VTCN1: variants seen among roughly 807,000 people sequenced by gnomAD.
The protein encoded by VTCN1 is V-set domain containing T cell activation inhibitor 1.
In VTCN1, 26 loss-of-function variants were observed where a neutral mutation model predicts 26.5. The observed-to-expected ratio is 0.98, with a 90% CI of 0.72 to 1.36. The LOEUF (loss-of-function observed/expected upper bound fraction) is 1.36. VTCN1 is among the 40% of genes most tolerant of loss of function. The pLI is 0.00. For synonymous variants in VTCN1, 116 were observed against 130.7 expected, an observed-to-expected ratio of 0.89 and a Z score of 0.77; for missense variants, 298 against 337.7, an observed-to-expected ratio of 0.88 and a Z score of 0.92.
At chr1:117,205,777 T>C (rs1484023134) in intron 1 of VTCN1, among the ~76,000 whole-genome samples, 1 of 152,228 alleles carries the variant, frequency 6.6e-6, no homozygotes, top group East Asian at 1.9e-4. Context: ...CTAGGAGATA[T>C]TGAGCAAGGT....
At chr1:117,172,640 T>TCC (rs372580718) in intron 1 of VTCN1, among the ~76,000 whole-genome samples, 1 of 151,552 alleles carries the variant, frequency 6.6e-6, no homozygotes, top group East Asian at 1.9e-4. Context: ...GCTGCATGTG[T>TCC]CCCCCCCCAC....
chr1:117,205,404 C>A (rs1570997457), intron 1 of VTCN1, among the ~76,000 whole-genome samples: 1 of 152,176 alleles, frequency 6.6e-6, no homozygotes, highest in African/African-American at 2.4e-5. Context: ...CTCAAGTGAT[C>A]CGCCTGCCTC....
chr1:117,180,347 T>C (rs1391633071), intron 1 of VTCN1, among the ~76,000 whole-genome samples: 1 of 152,196 alleles, frequency 6.6e-6, no homozygotes, highest in Non-Finnish European at 1.5e-5. Context: ...GTGCACACTA[T>C]TTTTCACTGG....
chr1:117,204,594 C>T (rs12087354), intron 1 of VTCN1, among the ~76,000 whole-genome samples: 1,914 of 152,104 alleles, frequency 0.013, 46 homozygotes, highest in African/African-American at 0.043. Context: ...TGGCCAGTTG[C>T]GGTGGCTCAC....
In VTCN1 at chr1:117,161,024, C is replaced by T. The variant is rs989301746; in HGVS notation, c.98-4103G>A. On this transcript the variant is annotated intron_variant, in intron 2 of 5. Transcript: ENST00000369458. This position sits in a 1 kb window ranked among gnomAD's most constrained non-coding sequence, Gnocchi z 4.3. ...GAAGGATGTTTTGGAGGCTTGAGAG[C>T]GTGAGAAAAGACACTTTGGAAGCAG... Among the ~76,000 whole-genome samples, 6 of 152,144 alleles carry T rather than the reference C, an allele frequency of 3.9e-5. No individual in the cohort carries two copies. The highest frequency in any genetic ancestry group is 1.2e-4 in the African/African-American group (5 of 41,440).
intron 1 of VTCN1, among the ~76,000 whole-genome samples, chr1:117,171,661 G>A (rs1652924109): frequency 6.6e-6 from 1 of 152,144 alleles, no homozygotes; most frequent in African/African-American, 2.4e-5. Flanking sequence ...GAATTATATG[G>A]CAGACATGTT....
rs2358820 is a variant in VTCN1, at chr1:117,169,289, G to A, written c.97+818C>T. ...TCTGCAACTGACATTGGCTAGATAC[G>A]TTCAGAAACTAACCATCTGTGCTAC... On this transcript the variant is annotated intron_variant, in intron 2 of 5. Coordinates refer to ENST00000369458, the MANE Select transcript of VTCN1 (RefSeq NM_024626.4). The surrounding 1 kb of genome is among the most constrained non-coding windows in gnomAD (Gnocchi z 4.0). Among the ~76,000 whole-genome samples the A allele has an allele frequency of 0.054, 8,245 of 152,270 alleles. 274 individuals are homozygous for A. The highest frequency in any genetic ancestry group is 0.083 in the South Asian group (399 of 4,824).
At chr1:117,184,685 T>A (rs562786157) in intron 1 of VTCN1, among the ~76,000 whole-genome samples, 1 of 152,180 alleles carries the variant, frequency 6.6e-6, no homozygotes, top group South Asian at 2.1e-4. Context: ...CTTCATGATG[T>A]GTGTATGTAG....
chr1:117,150,917 G>T (rs905409866), intron 4 of VTCN1, among the ~76,000 whole-genome samples: 2 of 152,164 alleles, frequency 1.3e-5, no homozygotes, highest in African/African-American at 4.8e-5. Flanking sequence ...TGTCCTGAAA[G>T]TTCATTCATG....
At chr1:117,209,874 T>A (rs1177907702) in intron 1 of VTCN1, among the ~76,000 whole-genome samples, 1 of 152,250 alleles carries the variant, frequency 6.6e-6, no homozygotes, top group Non-Finnish European at 1.5e-5. Context: ...AACATTACTC[T>A]CGTAGTCTCT....
rs1246429315 is a variant in VTCN1 at position 117,183,959 on chromosome 1, G to A, written c.33-13788C>T. On this transcript the variant is annotated intron_variant, in intron 1 of 5. Coordinates refer to ENST00000369458, the MANE Select transcript of VTCN1 (RefSeq NM_024626.4). The surrounding 1 kb of genome is among the most constrained non-coding windows in gnomAD (Gnocchi z 4.1). ...TGCATTCCAGGGACCAAAAGCTTCT[G>A]TCTTCAGAGCCATACCAAACACCAG... is the stretch of plus-strand genomic sequence containing the variant. Among the ~76,000 whole-genome samples the A allele has an allele frequency of 6.6e-6, 1 of 152,058 alleles. No homozygotes were observed. The highest frequency in any genetic ancestry group is 1.5e-5 in the Non-Finnish European group (1 of 68,030).
At chr1:117,199,251 C>G (rs1311514339) in intron 1 of VTCN1, among the ~76,000 whole-genome samples, 2 of 152,036 alleles carry the variant, frequency 1.3e-5, no homozygotes, top group East Asian at 3.9e-4. Context: ...TTTTGAAATC[C>G]TTTAATATGC....
chr1:117,183,145 C>T lies in VTCN1; in HGVS notation c.33-12974G>A, dbSNP rs1363108984. ...TTTTATATAAACCTGTGACTACTTT[C>T]TCCCATCTCCCGTCACCTCCACACT... On this transcript the variant is annotated intron_variant, in intron 1 of 5. Transcript: ENST00000369458. The surrounding 1 kb of genome is among the most constrained non-coding windows in gnomAD (Gnocchi z 4.1). Among the ~76,000 whole-genome samples the T allele has an allele frequency of 6.6e-6, 1 of 152,152 alleles. No homozygotes were observed. Among genetic ancestry groups the T allele is most frequent in the Non-Finnish European group, 1.5e-5 (1 of 68,028 alleles).
At chr1:117,205,155 TATAG>T (rs1209135812) in intron 1 of VTCN1, among the ~76,000 whole-genome samples, 2 of 107,916 alleles carry the variant, frequency 1.9e-5, no homozygotes, top group African/African-American at 5.6e-5. Context: ...TATATATATA[TATAG>T]AGAGAGAGAG....
At chr1:117,162,451 T>A (rs1043359102) in intron 2 of VTCN1, among the ~76,000 whole-genome samples, 1 of 152,144 alleles carries the variant, frequency 6.6e-6, no homozygotes, top group African/African-American at 2.4e-5. Flanking sequence ...TTCTTTTTTT[T>A]TTATTTTTTG....
At chr1:117,153,446 CT>C in intron 3 of VTCN1, 77 bp from the exon 4 acceptor site, 3 of 1,440,586 alleles carry the variant, frequency 2.1e-6, no homozygotes, top group Non-Finnish European at 1.9e-6. Flanking sequence ...AGCGCTAGGC[CT>C]TAAAAATGCA....
chr1:117,157,136 G>A, intron 2 of VTCN1: 1 of 488,706 alleles, frequency 2.0e-6, no homozygotes, highest in Non-Finnish European at 3.0e-6. Flanking sequence ...CATATATAAT[G>A]GCTTATGTAA....
intron 2 of VTCN1, among the ~76,000 whole-genome samples, chr1:117,157,671 C>T (rs1418344559): frequency 6.6e-6 from 1 of 152,088 alleles, no homozygotes; most frequent in Non-Finnish European, 1.5e-5. Flanking sequence ...CCATCCCTGG[C>T]CCCTCCAAAT....
chr1:117,173,652 A>G lies in VTCN1; in HGVS notation c.33-3481T>C, dbSNP rs184009544. The stretch of plus-strand genomic sequence containing the variant: ...TACAAAAAGGTTGTTTCAGGATCAA[A>G]TTAGATAATAAATGTGGCATTATTC... On this transcript the variant is annotated intron_variant, in intron 1 of 5. Coordinates refer to ENST00000369458, the MANE Select transcript of VTCN1 (RefSeq NM_024626.4). Among the ~76,000 whole-genome samples the G allele has an allele frequency of 1.5e-4, 23 of 152,368 alleles. No individual in the cohort carries two copies. In the East Asian group the frequency reaches 4.2e-3, roughly 28 times the overall value.
Sources: gnomAD v4.1 joint callset for allele counts (sites outside exome capture counted in the v4.1 genomes callset) on GRCh38, gnomAD v4.1.1 for gene constraint, Gnocchi (gnomAD v3.1) non-coding constraint, MANE v1.5 for transcripts, NCBI Gene and HGNC (gene_info 2026-07-23, HGNC 2026-07-21) for gene names.